ARGLU1: variants seen among roughly 807,000 people sequenced by gnomAD.
ARGLU1 encodes arginine and glutamate rich 1.
In ARGLU1, 9 loss-of-function variants were observed where a neutral mutation model predicts 37.6. The ratio of observed to expected loss-of-function variants is 0.24; its 90% CI spans 0.14 to 0.42. ARGLU1 has a LOEUF of 0.42. Among genes scored for constraint, ARGLU1 ranks in the 10% least tolerant of loss-of-function variants. The pLI, the probability that ARGLU1 is intolerant of heterozygous loss-of-function variation, is 1.00. For synonymous variants in ARGLU1, 166 were observed against 138.5 expected, an observed-to-expected ratio of 1.20 and a Z score of -1.39; for missense variants, 211 against 359.2, an observed-to-expected ratio of 0.59 and a Z score of 3.34.
At chr13:106,551,270 A>G (rs1365600410) in intron 3 of ARGLU1, among the ~76,000 whole-genome samples, 1 of 152,188 alleles carries the variant, frequency 6.6e-6, no homozygotes, top group African/African-American at 2.4e-5. Flanking sequence ...TTTACTATAA[A>G]CAGGAAGAAA....
Position 106,544,083 on chromosome 13 carries a change from T to C in ARGLU1, c.735A>G (p.Gln245=), listed in dbSNP as rs1283079809. The C allele has an allele frequency of 3.7e-6, 6 of 1,608,510 alleles. No homozygotes were observed. The East Asian group carries it at 6.8e-5, about 18-fold the overall frequency. ...EERMKLEQER[Q]RQQKEEQKII... ...TTTTTTGTTCTTCTTTTTGTTGACG[T>C]TGTCGTTCTTGTTCTAGTTTCATCC... The change falls in exon 4 of 4, where the codon CAA becomes CAG. Residue 245 remains glutamine (Q), a synonymous_variant. Transcript: ENST00000400198.
chr13:106,543,833 A>C lies in ARGLU1; in HGVS notation c.*163T>G. On this transcript the variant is annotated 3_prime_UTR_variant, in exon 4 of 4. Coordinates refer to ENST00000400198, the MANE Select transcript of ARGLU1 (RefSeq NM_018011.4). ...ATTTGACTTAGTGGAAGGAAAAAAAAAAAAAAAAAGGGAATTGCAGAGCAT... is the reference window on the plus strand; with the variant it reads ...ATTTGACTTAGTGGAAGGAAAAAAACAAAAAAAAAGGGAATTGCAGAGCAT... The C allele has an allele frequency of 1.7e-6, 1 of 603,486 alleles. No individual in the cohort carries two copies. The highest frequency in any genetic ancestry group is 2.5e-5 in the South Asian group (1 of 39,818). 37.4% of individuals were successfully genotyped at this position (603,486 alleles called of 1,614,324 possible).
At chr13:106,553,053 C>A (rs1164901736) in intron 3 of ARGLU1, among the ~76,000 whole-genome samples, 1 of 152,048 alleles carries the variant, frequency 6.6e-6, no homozygotes, top group East Asian at 1.9e-4. Flanking sequence ...CAAAAGGCTA[C>A]TTAAAAGTCA....
intron 3 of ARGLU1, among the ~76,000 whole-genome samples, chr13:106,544,791 A>G (rs1226031605): frequency 6.6e-6 from 1 of 152,220 alleles, no homozygotes; most frequent in African/African-American, 2.4e-5. Context: ...ATATTATAGT[A>G]TCAGTAGACA....
Position 106,567,625 on chromosome 13 carries a change from G to A in ARGLU1, c.295C>T (p.Gln99Ter), listed in dbSNP as rs868856653. 1 of 1,613,460 alleles carries A rather than the reference G, an allele frequency of 6.2e-7. No homozygotes were observed. Among genetic ancestry groups the A allele is most frequent in the Non-Finnish European group, 8.5e-7 (1 of 1,179,686 alleles). Residue 99 changes from glutamine (Q) to a stop codon, truncating the protein, a stop_gained, in exon 1 of 4, where the codon CAG becomes TAG. Transcript: ENST00000400198. LOFTEE classifies it high-confidence loss of function. The surrounding 1 kb of genome is among the most constrained non-coding windows in gnomAD (Gnocchi z 4.3). ...VSKRSSLDEK[Q>*]KREEEEKKAE... ...TTCTTCTCCTCCTCCTCTCGCTTCT[G>A]CTTCTCGTCCAGGCTGCTGCGCTTG...
At chr13:106,550,870 C>T (rs1880515132) in intron 3 of ARGLU1, among the ~76,000 whole-genome samples, 1 of 152,222 alleles carries the variant, frequency 6.6e-6, no homozygotes, top group Non-Finnish European at 1.5e-5. Flanking sequence ...TGCATGGATT[C>T]TGTCAGGAGT....
intron 2 of ARGLU1, chr13:106,558,597 T>C (rs747493761): frequency 1.0e-6 from 1 of 985,414 alleles, no homozygotes. Context: ...CACCAAGTTT[T>C]TGGATCCTGG....
At chr13:106,558,110 T>C (rs185724779) in intron 2 of ARGLU1, 116 of 985,034 alleles carry the variant, frequency 1.2e-4, no homozygotes, top group African/African-American at 5.8e-4. Flanking sequence ...TGTCAGAGGG[T>C]TGTGTCCGTG....
At chr13:106,562,731 C>T (rs1396966272) in intron 1 of ARGLU1, among the ~76,000 whole-genome samples, 1 of 151,982 alleles carries the variant, frequency 6.6e-6, no homozygotes, top group East Asian at 1.9e-4. Flanking sequence ...GTGGCTCACG[C>T]CTGTAATCCC....
Position 106,557,615 on chromosome 13 carries a change from C to A in ARGLU1, c.574-484G>T, listed in dbSNP as rs1880692285. 1 of 1,603,404 alleles carries A rather than the reference C, an allele frequency of 6.2e-7. No homozygotes were observed. Among genetic ancestry groups the A allele is most frequent in the Non-Finnish European group, 8.5e-7 (1 of 1,175,126 alleles). ...CTCGGCTGCCATACGCGCCAGCTTC[C>A]TCTTTAAAATGATTTGTACTGTTAG... On this transcript the variant is annotated intron_variant, in intron 2 of 3. Transcript: ENST00000400198. This position sits in a 1 kb window ranked among gnomAD's most constrained non-coding sequence, Gnocchi z 5.0.
chr13:106,556,461 C>T (rs1290307619), intron 3 of ARGLU1, among the ~76,000 whole-genome samples: 1 of 152,180 alleles, frequency 6.6e-6, no homozygotes, highest in Non-Finnish European at 1.5e-5. Context: ...CTGTTAACTA[C>T]TCAGACCCAC....
chr13:106,559,102 C>T, intron 2 of ARGLU1: 1 of 1,250,416 alleles, frequency 8.0e-7, no homozygotes, highest in African/African-American at 1.5e-5. Context: ...AACCTTTTCC[C>T]TTTACCACTC....
At chr13:106,546,752 G>A (rs1421615032) in intron 3 of ARGLU1, among the ~76,000 whole-genome samples, 1 of 152,102 alleles carries the variant, frequency 6.6e-6, no homozygotes, top group Non-Finnish European at 1.5e-5. Flanking sequence ...AAGCATCCTA[G>A]AGCCCTGGAG....
At chr13:106,556,629 C>A (rs138852879) in intron 3 of ARGLU1, among the ~76,000 whole-genome samples, 1 of 152,066 alleles carries the variant, frequency 6.6e-6, no homozygotes, top group African/African-American at 2.4e-5. Context: ...GAAATTACTC[C>A]GGTGCACTTA....
chr13:106,567,514 G>A lies in ARGLU1; in HGVS notation c.347+59C>T. 2.4e-6 allele frequency: 3 copies of A among 1,241,532 alleles called. No individual in the cohort carries two copies. The South Asian group carries it at 3.7e-5, about 15-fold the overall frequency. 76.9% of individuals were successfully genotyped at this position (1,241,532 alleles called of 1,614,324 possible). ...CCGCACCGTCCCGCCCCGGCCCCACGCCCTCGCCCCGCGCCCTGCTCTCCG... is the reference window on the plus strand; with the variant it reads ...CCGCACCGTCCCGCCCCGGCCCCACACCCTCGCCCCGCGCCCTGCTCTCCG... On this transcript the variant is annotated intron_variant, in intron 1 of 3. Transcript: ENST00000400198. The surrounding 1 kb of genome is among the most constrained non-coding windows in gnomAD (Gnocchi z 4.3).
At chr13:106,566,530 T>A (rs1319183739) in intron 1 of ARGLU1, among the ~76,000 whole-genome samples, 1 of 152,198 alleles carries the variant, frequency 6.6e-6, no homozygotes, top group East Asian at 1.9e-4. Flanking sequence ...TCAAATCTAC[T>A]TTTCAATGCG....
In ARGLU1 at chr13:106,543,179, C is replaced by G. The variant is rs1421030615; in HGVS notation, c.*817G>C. Reference sequence around the variant, plus strand: ...AAAATAGCCATTAAATACTAATTCACAAGTATATTTAATGTACATATAAAC... The same window carrying G: ...AAAATAGCCATTAAATACTAATTCAGAAGTATATTTAATGTACATATAAAC... On this transcript the variant is annotated 3_prime_UTR_variant, in exon 4 of 4. Transcript: ENST00000400198. 1 of 152,338 alleles carries G rather than the reference C, an allele frequency of 6.6e-6. No individual in the cohort carries two copies. The highest frequency in any genetic ancestry group is 2.4e-5 in the African/African-American group (1 of 41,398). The allele number at this position is 152,338 out of a possible 1,614,324, so 9.4% of individuals were successfully genotyped here. A position where few individuals can be genotyped will look rare whatever the true frequency, so the allele number is the denominator to read the frequency against.
rs1312926830 is a variant in ARGLU1 at position 106,567,842 on chromosome 13, C to G, written c.78G>C (p.Arg26=). Residue 26 remains arginine (R), a synonymous_variant, in exon 1 of 4, where the codon CGG becomes CGC. Transcript: ENST00000400198. This position sits in a 1 kb window ranked among gnomAD's most constrained non-coding sequence, Gnocchi z 4.3. The part of the protein sequence containing the change: ...KSSKHNKKRS[R]SRSRSRDKER... ...CCTTGTCCCGGGATCGCGACCGGGA[C>G]CGGCTGCGCTTCTTGTTGTGCTTGC... 1 of 1,613,562 alleles carries G rather than the reference C, an allele frequency of 6.2e-7. No individual in the cohort carries two copies. Among genetic ancestry groups the G allele is most frequent in the East Asian group, 2.2e-5 (1 of 44,824 alleles).
At chr13:106,559,188 T>C in intron 2 of ARGLU1, 1 of 1,462,732 alleles carries the variant, frequency 6.8e-7, no homozygotes, top group Non-Finnish European at 9.1e-7. Context: ...ACTTCTCAAA[T>C]AGCCAGTTCC....
Sources: allele counts gnomAD v4.1 joint callset (sites outside exome capture counted in the v4.1 genomes callset), GRCh38; gene constraint gnomAD v4.1.1; non-coding constraint Gnocchi (gnomAD v3.1); transcripts MANE v1.5; gene names NCBI Gene and HGNC (gene_info 2026-07-23, HGNC 2026-07-21).